DNAH10: variants seen among roughly 807,000 people sequenced by gnomAD.
DNAH10 encodes axonemal beta dynein heavy chain 10.
Under a neutral mutation model 506.6 loss-of-function variants are expected in DNAH10, and 348 were observed. The observed-to-expected ratio is 0.69, with a 90% CI of 0.63 to 0.75. The LOEUF (loss-of-function observed/expected upper bound fraction) is 0.75. DNAH10 is among the 30% of genes least tolerant of loss of function. DNAH10 has a pLI of 0.00. For missense variants in DNAH10, 5,179 were observed against 5,787.1 expected, an observed-to-expected ratio of 0.89 and a Z score of 3.41; for synonymous variants, 2,059 against 2,198.6, an observed-to-expected ratio of 0.94 and a Z score of 1.78.
At chr12:123,895,688 T>A (rs1300202135) in intron 54 of DNAH10, among the ~76,000 whole-genome samples, 3 of 152,206 alleles carry the variant, frequency 2.0e-5, no homozygotes, top group Non-Finnish European at 4.4e-5. Context: ...AATATAGATG[T>A]CCCCTTGTTC....
Position 123,762,591 on chromosome 12 carries a change from C to A in DNAH10, c.214+41C>A. 1 of 1,519,328 alleles carries A rather than the reference C, an allele frequency of 6.6e-7. No individual in the cohort carries two copies. The highest frequency in any genetic ancestry group is 1.2e-5 in the South Asian group (1 of 81,330). 94.1% of individuals were successfully genotyped at this position (1,519,328 alleles called of 1,614,324 possible). ...CCGCTCCCTTCCCCGGGCTTCCCTC[C>A]TGCCCGTCCCGGCCTCTCCGGCGGG... On this transcript the variant is annotated intron_variant, in intron 1 of 78. Coordinates refer to ENST00000673944, the MANE Select transcript of DNAH10 (RefSeq NM_001372106.1). This position sits in a 1 kb window ranked among gnomAD's most constrained non-coding sequence, Gnocchi z 5.0.
chr12:123,800,709 T>C (rs1370158294), intron 15 of DNAH10, among the ~76,000 whole-genome samples: 1 of 148,256 alleles, frequency 6.7e-6, no homozygotes, highest in Admixed American at 6.7e-5. Context: ...GAAAAAAAAA[T>C]TGAAGCTAAG....
At chr12:123,884,560 C>T (rs1032175497) in intron 51 of DNAH10, among the ~76,000 whole-genome samples, 10 of 152,226 alleles carry the variant, frequency 6.6e-5, no homozygotes, top group African/African-American at 1.7e-4. Flanking sequence ...GATGACAGCA[C>T]GAAAAGTCTT....
chr12:123,898,672 T>G lies in DNAH10; in HGVS notation c.9498T>G (p.Asp3166Glu). The change falls in exon 56 of 79, where the codon GAT (aspartate) becomes GAG (glutamate). Residue 3166 changes from aspartate (D) to glutamate (E), a missense_variant. This residue lies in a region of DNAH10 where 4,844 missense variants were observed against 5,430.5 expected (regional missense o/e 0.89). Transcript: ENST00000673944. ...CCTCAGCTCAGTGCAAGCGTCTGGATGGGGGACTGGACAAGCTGAAGGAGG... is the reference window on the plus strand; with the variant it reads ...CCTCAGCTCAGTGCAAGCGTCTGGAGGGGGGACTGGACAAGCTGAAGGAGG... ...QCNIAQCKRL[D>E]GGLDKLKEAT... is the part of the protein sequence containing the mutation. 6.3e-7 allele frequency: 1 copy of G among 1,590,506 alleles called. No individual in the cohort carries two copies. The highest frequency in any genetic ancestry group is 8.6e-7 in the Non-Finnish European group (1 of 1,168,758).
intron 15 of DNAH10, 107 bp from the exon 16 acceptor site, chr12:123,801,174 G>T: frequency 8.5e-7 from 1 of 1,183,252 alleles, no homozygotes; most frequent in Non-Finnish European, 1.2e-6. Flanking sequence ...CTTGATCAAG[G>T]TTGGTCTTGA....
In DNAH10 at chr12:123,877,737, C is replaced by T. The variant is rs552628410; in HGVS notation, c.8201C>T (p.Thr2734Met). 1.2e-5 allele frequency: 19 copies of T among 1,609,378 alleles called. No individual in the cohort carries two copies. The highest frequency in any genetic ancestry group is 8.4e-5 in the Admixed American group (5 of 59,180). The change falls in exon 48 of 79, where the codon ACG becomes ATG. Residue 2734 changes from threonine (T) to methionine (M), a missense_variant and splice_region_variant. This residue lies in a region of DNAH10 where 4,844 missense variants were observed against 5,430.5 expected (regional missense o/e 0.89). Transcript: ENST00000673944. ...YSSILKGHTS[T>M]FHESIVAVSG... Reference sequence around the variant, plus strand: ...GGGGGGTGTCTTTGCATTTTTCAGACGTTTCATGAGAGCATTGTGGCTGTG... The same window carrying T: ...GGGGGGTGTCTTTGCATTTTTCAGATGTTTCATGAGAGCATTGTGGCTGTG...
At position 123,916,040 on chromosome 12, in the gene DNAH10, G is replaced by T. The variant is rs1466874199; in HGVS notation, c.10723-417G>T. On this transcript the variant is annotated intron_variant, in intron 62 of 78. Coordinates refer to ENST00000673944, the MANE Select transcript of DNAH10 (RefSeq NM_001372106.1). The surrounding 1 kb of genome is among the most constrained non-coding windows in gnomAD (Gnocchi z 4.6). ...GCCCATTTGTACTCCAAGGTCAGGG[G>T]AACAGTCTGCCTCCAAAATGCACAT... Among the ~76,000 whole-genome samples the T allele has an allele frequency of 1.3e-5, 2 of 152,166 alleles. No individual in the cohort carries two copies. Among genetic ancestry groups the T allele is most frequent in the Non-Finnish European group, 2.9e-5 (2 of 68,034 alleles).
chr12:123,906,548 G>A (rs2137340400), intron 57 of DNAH10, among the ~76,000 whole-genome samples: 1 of 152,334 alleles, frequency 6.6e-6, no homozygotes, highest in East Asian at 1.9e-4. Flanking sequence ...GACCTATTTT[G>A]TGGCTTTTGG....
chr12:123,881,620 T>C lies in DNAH10; in HGVS notation c.8635-5T>C. The C allele has an allele frequency of 6.6e-7, 1 of 1,513,994 alleles. No individual in the cohort carries two copies. The highest frequency in any genetic ancestry group is 8.8e-7 in the Non-Finnish European group (1 of 1,135,586). The allele number at this position is 1,513,994 out of a possible 1,614,324, so 93.8% of individuals were successfully genotyped here. ...TTTGAATTCTTTTTTTTTTTTTAAA[T>C]GCAGGAAATTCTTGAAGAGTATAAT... On this transcript the variant is annotated splice_region_variant and splice_polypyrimidine_tract_variant and intron_variant, in intron 50 of 78. Transcript: ENST00000673944.
At chr12:123,918,603 T>A in intron 64 of DNAH10, 73 bp from the exon 65 acceptor site, 1 of 1,498,704 alleles carries the variant, frequency 6.7e-7, no homozygotes. Context: ...CTCTCTGCTG[T>A]CCCCCTGCCC....
intron 21 of DNAH10, among the ~76,000 whole-genome samples, chr12:123,816,231 G>A (rs1219217519): frequency 6.6e-6 from 1 of 152,188 alleles, no homozygotes; most frequent in African/African-American, 2.4e-5. Context: ...AATGACTGGT[G>A]GCTGGGAGCC....
At chr12:123,886,998 C>A in intron 51 of DNAH10, 144 bp from the exon 52 acceptor site, 2 of 1,003,290 alleles carry the variant, frequency 2.0e-6, no homozygotes, top group Non-Finnish European at 1.4e-6. Flanking sequence ...GGAGTCCCTT[C>A]CAGACTTTTC....
intron 18 of DNAH10, 40 bp downstream of exon 18, chr12:123,805,080 A>C (rs749528335): frequency 1.3e-6 from 2 of 1,596,728 alleles, no homozygotes; most frequent in South Asian, 2.2e-5. Flanking sequence ...TGGTGTGTGT[A>C]GATTAAAACA....
At chr12:123,932,185 T>C (rs1405519683) in intron 76 of DNAH10, 77 bp downstream of exon 76, 11 of 1,556,098 alleles carry the variant, frequency 7.1e-6, no homozygotes, top group East Asian at 2.2e-5. Flanking sequence ...CCCAATCCCC[T>C]CTTTCCATTG....
At position 123,785,387 on chromosome 12, in the gene DNAH10, C is replaced by T. The variant is rs967646814; in HGVS notation, c.1231-359C>T. On this transcript the variant is annotated intron_variant, in intron 8 of 78. Transcript: ENST00000673944. This position sits in a 1 kb window ranked among gnomAD's most constrained non-coding sequence, Gnocchi z 4.1. The stretch of plus-strand genomic sequence containing the variant: ...GTGAAATGTCTGTTTTAATCTTTTG[C>T]CCGTTATTTATTTGAGTTATTATTA... Among the ~76,000 whole-genome samples the T allele has an allele frequency of 6.6e-6, 1 of 152,020 alleles. No homozygotes were observed. The highest frequency in any genetic ancestry group is 1.5e-5 in the Non-Finnish European group (1 of 68,016).
intron 13 of DNAH10, among the ~76,000 whole-genome samples, chr12:123,797,078 A>C (rs1398863313): frequency 6.6e-6 from 1 of 152,172 alleles, no homozygotes; most frequent in Non-Finnish European, 1.5e-5. Flanking sequence ...TTACCGTGTT[A>C]GCCAGGATGG....
In DNAH10 at chr12:123,915,679, C is replaced by T. The variant is rs546186231; in HGVS notation, c.10722+680C>T. On this transcript the variant is annotated intron_variant, in intron 62 of 78. Coordinates refer to ENST00000673944, the MANE Select transcript of DNAH10 (RefSeq NM_001372106.1). Reference sequence around the variant, plus strand: ...TCAGCCTGATGTTTTCAAGGTCCGTCCTTGCTGTAGTGCATCAGGGCGTCA... The same window carrying T: ...TCAGCCTGATGTTTTCAAGGTCCGTTCTTGCTGTAGTGCATCAGGGCGTCA... 7.2e-5 allele frequency among the ~76,000 whole-genome samples: 11 copies of T among 152,294 alleles called. No homozygotes were observed. In the South Asian group the frequency reaches 2.3e-3, roughly 32 times the overall value.
intron 45 of DNAH10, among the ~76,000 whole-genome samples, 166 bp downstream of exon 45, chr12:123,871,768 A>G (rs760108996): frequency 9.9e-5 from 15 of 152,192 alleles, no homozygotes; most frequent in African/African-American, 1.4e-4. Context: ...ATTGCAGTCA[A>G]GCTGTTGGCC....
At chr12:123,819,976 A>G (rs1267064164) in intron 23 of DNAH10, among the ~76,000 whole-genome samples, 1 of 152,154 alleles carries the variant, frequency 6.6e-6, no homozygotes, top group Non-Finnish European at 1.5e-5. Context: ...AAGTGCTGGG[A>G]TTACAGGCCT....
Sources: gnomAD v4.1 joint callset for allele counts (sites outside exome capture counted in the v4.1 genomes callset) on GRCh38, gnomAD v4.1.1 for gene constraint, gnomAD v4.1.1 regional missense constraint, Gnocchi (gnomAD v3.1) non-coding constraint, MANE v1.5 for transcripts, NCBI Gene and HGNC (gene_info 2026-07-23, HGNC 2026-07-21) for gene names.